AKAP11: variants seen among roughly 807,000 people sequenced by gnomAD.
AKAP11 encodes the protein A-kinase anchoring protein 11.
Under a neutral mutation model 146.1 loss-of-function variants are expected in AKAP11, and 36 were observed. That is an observed-to-expected ratio of 0.25 (90% confidence interval 0.19 to 0.33). AKAP11 has a LOEUF of 0.33. AKAP11 is among the 10% of genes least tolerant of loss of function. AKAP11 has a pLI of 1.00. For missense variants in AKAP11, 2,201 were observed against 2,197.0 expected (o/e 1.00, Z -0.04); for synonymous variants, 780 against 786.5 (o/e 0.99, Z 0.14).
At chr13:42,314,962 G>A (rs990278169) in intron 11 of AKAP11, among the ~76,000 whole-genome samples, 5 of 151,918 alleles carry the variant, frequency 3.3e-5, no homozygotes, top group Admixed American at 6.6e-5. Flanking sequence ...ATATTCAGGC[G>A]GTTGTTGAAT....
Position 42,301,075 on chromosome 13 carries a change from G to T in AKAP11, c.2329G>T (p.Val777Phe), listed in dbSNP as rs1470735344. 4 of 1,613,972 alleles carry T rather than the reference G, an allele frequency of 2.5e-6. No individual in the cohort carries two copies. The South Asian group carries it at 4.4e-5, about 18-fold the overall frequency. Residue 777 changes from valine (V) to phenylalanine (F), a missense_variant, in exon 8 of 13, where the codon GTT becomes TTT. Coordinates refer to ENST00000025301, the MANE Select transcript of AKAP11 (RefSeq NM_016248.4). ...GGCCTTGTTTTGTACTTCTGGAATTGTTACTTCTATACCGGTGCCCTTGGC... is the reference window on the plus strand; with the variant it reads ...GGCCTTGTTTTGTACTTCTGGAATTTTTACTTCTATACCGGTGCCCTTGGC... ...QQALFCTSGI[V>F]TSIPVPLAGS...
chr13:42,285,191 G>C (rs1216902999), intron 1 of AKAP11, among the ~76,000 whole-genome samples: 3 of 152,112 alleles, frequency 2.0e-5, no homozygotes, highest in South Asian at 4.1e-4. Context: ...GGAAACCTCA[G>C]CTAAGCAATT....
At chr13:42,293,639 C>T (rs1424832591) in intron 4 of AKAP11, among the ~76,000 whole-genome samples, 1 of 152,194 alleles carries the variant, frequency 6.6e-6, no homozygotes, top group Non-Finnish European at 1.5e-5. Flanking sequence ...GAAATGATGT[C>T]CTGTGTCCTG....
chr13:42,323,078 A>T lies in AKAP11; in HGVS notation c.*3850A>T, dbSNP rs1392932259. 2 of 152,764 alleles carry T rather than the reference A, an allele frequency of 1.3e-5. No individual in the cohort carries two copies. The highest frequency in any genetic ancestry group is 1.5e-5 in the Non-Finnish European group (1 of 68,016). 9.5% of individuals were successfully genotyped at this position (152,764 alleles called of 1,614,324 possible). On this transcript the variant is annotated 3_prime_UTR_variant, in exon 13 of 13. Transcript: ENST00000025301. ...CTCTTTTTTGCTTTTCAGTAATTTA[A>T]TATGTTCACTTAACAAAATACGAAC...
At chr13:42,271,685 G>A (rs943788475), upstream of AKAP11, among the ~76,000 whole-genome samples, 2 of 152,182 alleles carry the variant, frequency 1.3e-5, no homozygotes, top group African/African-American at 4.8e-5. Flanking sequence ...AGCAAGCCAA[G>A]GCCTGGGGAC....
chr13:42,315,902 C>G (rs531841002), intron 11 of AKAP11, among the ~76,000 whole-genome samples: 23 of 152,274 alleles, frequency 1.5e-4, no homozygotes, highest in African/African-American at 5.5e-4. Flanking sequence ...AGTCCCTCCC[C>G]TTTTCACTAA....
chr13:42,283,930 C>G (rs1959113410), intron 1 of AKAP11, among the ~76,000 whole-genome samples: 1 of 152,162 alleles, frequency 6.6e-6, no homozygotes, highest in Non-Finnish European at 1.5e-5. Flanking sequence ...TTTCTGGCAT[C>G]TAGATTGCTT....
rs144547432 is a variant in AKAP11, at chr13:42,307,791, T to TGGAA, written c.5118-660_5118-657dup. On this transcript the variant is annotated intron_variant, in intron 8 of 12. Coordinates refer to ENST00000025301, the MANE Select transcript of AKAP11 (RefSeq NM_016248.4). ...GCTCTTCGGCTTGGTGGGAAGCCAT[T>TGGAA]GGAAGGTTTTGATCCGAAGACTGAC... 9.3e-3 allele frequency among the ~76,000 whole-genome samples: 1,416 copies of TGGAA among 152,220 alleles called. 24 individuals carry two copies. Among genetic ancestry groups the TGGAA allele is most frequent in the African/African-American group, 0.032 (1,320 of 41,524 alleles).
chr13:42,302,734 G>T lies in AKAP11; in HGVS notation c.3988G>T (p.Gly1330Cys). ...LSLPPSSCMS[G>C]LMYKYPSCES... ...ATTACCACCAAGTTCTTGTATGTCA[G>T]GTCTGATGTATAAGTATCCCAGCTG... The change falls in exon 8 of 13, where the codon GGT becomes TGT. Residue 1330 changes from glycine (G) to cysteine (C), a missense_variant. Around this residue, in one of 3 missense-constraint regions of AKAP11, gnomAD observed 1,867 missense variants for 1,833.5 expected, o/e 1.02. Coordinates refer to ENST00000025301, the MANE Select transcript of AKAP11 (RefSeq NM_016248.4). 1 of 1,614,100 alleles carries T rather than the reference G, an allele frequency of 6.2e-7. No individual in the cohort carries two copies.
At chr13:42,318,948 G>GA (rs1960959680) in intron 12 of AKAP11, 140 bp from the exon 13 acceptor site, 2 of 1,015,470 alleles carry the variant, frequency 2.0e-6, no homozygotes, top group Admixed American at 2.7e-5. Flanking sequence ...GTTTAGAGGG[G>GA]AAGACCTTGT....
chr13:42,302,579 G>A lies in AKAP11; in HGVS notation c.3833G>A (p.Arg1278Gln), dbSNP rs200043876. The A allele has an allele frequency of 1.4e-4, 228 of 1,614,114 alleles. No homozygotes were observed. Among genetic ancestry groups the A allele is most frequent in the Admixed American group, 4.5e-4 (27 of 60,014 alleles). Residue 1278 changes from arginine (R) to glutamine (Q), a missense_variant, in exon 8 of 13, where the codon CGA becomes CAA. Arg to Gln is a conservative substitution (Grantham distance 43). Transcript: ENST00000025301. Reference protein sequence around the residue: ...ITEAEKIAKVRNCMLFKQKKN... With the variant: ...ITEAEKIAKVQNCMLFKQKKN... Reference sequence around the variant, plus strand: ...GAAGCTGAGAAAATAGCAAAAGTCCGAAATTGTATGCTTTTCAAGCAAAAG... The same window carrying A: ...GAAGCTGAGAAAATAGCAAAAGTCCAAAATTGTATGCTTTTCAAGCAAAAG...
At chr13:42,312,599 C>A (rs987034008) in intron 9 of AKAP11, among the ~76,000 whole-genome samples, 3 of 152,172 alleles carry the variant, frequency 2.0e-5, no homozygotes, top group African/African-American at 7.2e-5. Flanking sequence ...CCCCCAACAT[C>A]CCCTCACCCA....
At position 42,301,951 on chromosome 13, in the gene AKAP11, T is replaced by G. The variant is rs1959940665; in HGVS notation, c.3205T>G (p.Ser1069Ala). 2 of 1,614,164 alleles carry G rather than the reference T, an allele frequency of 1.2e-6. No homozygotes were observed. The highest frequency in any genetic ancestry group is 1.7e-6 in the Non-Finnish European group (2 of 1,180,010). Residue 1069 changes from serine (S) to alanine (A), a missense_variant, in exon 8 of 13, where the codon TCA (serine) becomes GCA (alanine). By Grantham distance (99) the Ser-to-Ala change is moderately conservative. Around this residue, in one of 3 missense-constraint regions of AKAP11, gnomAD observed 1,867 missense variants for 1,833.5 expected, o/e 1.02. Coordinates refer to ENST00000025301, the MANE Select transcript of AKAP11 (RefSeq NM_016248.4). ...SFGQENPFPH[S>A]HTFSSTALTC... is the part of the protein sequence containing the mutation. Reference sequence around the variant, plus strand: ...TGGACAGGAAAACCCCTTTCCTCATTCACATACTTTCTCATCTACAGCACT... The same window carrying G: ...TGGACAGGAAAACCCCTTTCCTCATGCACATACTTTCTCATCTACAGCACT...
chr13:42,282,260 C>CTTTTTTTTTTT (rs768248255), intron 1 of AKAP11, among the ~76,000 whole-genome samples: 1 of 112,390 alleles, frequency 8.9e-6, no homozygotes. Context: ...CTAGGCCAGT[C>CTTTTTTTTTTT]TTTTTTTTTT....
chr13:42,297,839 T>TA (rs1594326938), intron 6 of AKAP11, among the ~76,000 whole-genome samples: 1 of 152,130 alleles, frequency 6.6e-6, no homozygotes, highest in Middle Eastern at 3.4e-3. Context: ...GGTCTGCCAA[T>TA]AAAACTAGAA....
chr13:42,320,926 T>A lies in AKAP11; in HGVS notation c.*1698T>A, dbSNP rs909774514. The A allele has an allele frequency of 6.6e-6, 1 of 152,330 alleles. No individual in the cohort carries two copies. The highest frequency in any genetic ancestry group is 1.5e-5 in the Non-Finnish European group (1 of 68,034). The allele number at this position is 152,330 out of a possible 1,614,324, so 9.4% of individuals were successfully genotyped here. A position where few individuals can be genotyped will look rare whatever the true frequency, so the allele number is the denominator to read the frequency against. ...CATCGTAGGTTTTGATTTTTCTCAA[T>A]TTAAGATACAGAAATACAGCAAGCC... is the stretch of plus-strand genomic sequence containing the variant. On this transcript the variant is annotated 3_prime_UTR_variant, in exon 13 of 13. Transcript: ENST00000025301.
chr13:42,307,295 GAAGT>G (rs1003429697), intron 8 of AKAP11, among the ~76,000 whole-genome samples: 19 of 152,150 alleles, frequency 1.2e-4, no homozygotes, highest in Non-Finnish European at 2.2e-4. Context: ...TAGGGATACG[GAAGT>G]AAGTAAAACA....
chr13:42,285,764 C>CT (rs1422265032), intron 1 of AKAP11, among the ~76,000 whole-genome samples: 1 of 150,802 alleles, frequency 6.6e-6, no homozygotes, highest in Non-Finnish European at 1.5e-5. Context: ...ATGGTATGCT[C>CT]TTAAGCTTCC....
chr13:42,271,898 G>T (rs1958774653), upstream of AKAP11, among the ~76,000 whole-genome samples: 1 of 151,594 alleles, frequency 6.6e-6, no homozygotes, highest in Admixed American at 6.6e-5. Flanking sequence ...GAGCACGTGG[G>T]AAGGCTTTTT....
Sources: gnomAD v4.1 joint callset for allele counts (sites outside exome capture counted in the v4.1 genomes callset) on GRCh38, gnomAD v4.1.1 for gene constraint, gnomAD v4.1.1 regional missense constraint, MANE v1.5 for transcripts, NCBI Gene and HGNC (gene_info 2026-07-23, HGNC 2026-07-21) for gene names.